Variants in RPRD1A observed in about 807,000 individuals in gnomAD.
RPRD1A encodes regulation of nuclear pre-mRNA domain containing 1A, also known as regulation of nuclear pre-mRNA domain-containing protein 1A.
RPRD1A carries 9 observed loss-of-function variants against 37.8 expected under a neutral mutation model. The ratio of observed to expected loss-of-function variants is 0.24; its 90% CI spans 0.14 to 0.42. RPRD1A has a LOEUF of 0.42. RPRD1A is among the 10% of genes least tolerant of loss of function. The pLI, the probability that RPRD1A is intolerant of heterozygous loss-of-function variation, is 1.00. For synonymous variants in RPRD1A, 138 were observed against 139.7 expected, an observed-to-expected ratio of 0.99 and a Z score of 0.08; for missense variants, 255 against 371.0, an observed-to-expected ratio of 0.69 and a Z score of 2.57.
Position 36,008,577 on chromosome 18 carries a change from G to GTGTGTATATATATATATATATATA in RPRD1A, c.790-15278_790-15277insTATATATATATATATATATACACA. 1.4e-3 allele frequency among the ~76,000 whole-genome samples: 68 copies of GTGTGTATATATATATATATATATA among 47,748 alleles called. 5 individuals carry two copies. The highest frequency in any genetic ancestry group is 6.2e-3 in the East Asian group (8 of 1,284). The allele number at this position is 47,748 out of a possible 152,430, so 31.3% of individuals were successfully genotyped here. ...GGCGACACAGCAAGACCTTGTGTGT[G>GTGTGTATATATATATATATATATA]TATATATATATATCTTTAAAAATCT... On this transcript the variant is annotated intron_variant, in intron 6 of 6. Transcript: ENST00000399022.
In RPRD1A at chr18:36,067,487, C is replaced by G. The variant is rs1399936308; in HGVS notation, c.-83G>C. Reference sequence around the variant, plus strand: ...CGCCGCCCTAGCTGCGGCCTCGCCCCCTCACCCCACCCTTCCCCACGCTCT... The same window carrying G: ...CGCCGCCCTAGCTGCGGCCTCGCCCGCTCACCCCACCCTTCCCCACGCTCT... On this transcript the variant is annotated 5_prime_UTR_variant, in exon 1 of 7. Transcript: ENST00000399022. The G allele has an allele frequency of 7.2e-7, 1 of 1,395,026 alleles. No individual in the cohort carries two copies. Among genetic ancestry groups the G allele is most frequent in the East Asian group, 2.6e-5 (1 of 37,774 alleles). The allele number at this position is 1,395,026 out of a possible 1,614,324, so 86.4% of individuals were successfully genotyped here.
At chr18:36,025,510 A>C in intron 6 of RPRD1A, 1 of 588,194 alleles carries the variant, frequency 1.7e-6, no homozygotes, top group Non-Finnish European at 2.6e-6. Context: ...ACAGTGACAA[A>C]TGACCATCAT....
chr18:36,037,410 G>A (rs559161541), intron 1 of RPRD1A, among the ~76,000 whole-genome samples: 60 of 152,284 alleles, frequency 3.9e-4, no homozygotes, highest in East Asian at 9.6e-4. Context: ...GAATAAGGAC[G>A]TGTTTGCTTC....
At chr18:36,048,344 G>C (rs1430902868) in intron 1 of RPRD1A, among the ~76,000 whole-genome samples, 1 of 152,044 alleles carries the variant, frequency 6.6e-6, no homozygotes, top group African/African-American at 2.4e-5. Flanking sequence ...GGGATTACAG[G>C]CGTGAGCCAC....
At chr18:36,042,253 T>C (rs949639288) in intron 1 of RPRD1A, among the ~76,000 whole-genome samples, 9 of 152,188 alleles carry the variant, frequency 5.9e-5, no homozygotes, top group African/African-American at 2.2e-4. Flanking sequence ...TAGCACTCCA[T>C]ACTATTCCTA....
chr18:36,047,317 ATAGC>A (rs1230745702), intron 1 of RPRD1A, among the ~76,000 whole-genome samples: 2 of 152,182 alleles, frequency 1.3e-5, no homozygotes, highest in East Asian at 3.8e-4. Flanking sequence ...TCTGTGGGGC[ATAGC>A]TAAAGCAGTG....
At chr18:36,035,458 G>C (rs1051190958) in intron 1 of RPRD1A, among the ~76,000 whole-genome samples, 1 of 152,142 alleles carries the variant, frequency 6.6e-6, no homozygotes, top group African/African-American at 2.4e-5. Flanking sequence ...GAAATAATGA[G>C]GAAGAGATAA....
intron 4 of RPRD1A, among the ~76,000 whole-genome samples, chr18:36,030,499 A>G (rs1911699232): frequency 6.6e-6 from 1 of 152,116 alleles, no homozygotes; most frequent in African/African-American, 2.4e-5. Flanking sequence ...AAAAAATCAC[A>G]TAACAAAATA....
chr18:36,012,059 A>T (rs1165936224), intron 6 of RPRD1A, among the ~76,000 whole-genome samples: 1 of 152,168 alleles, frequency 6.6e-6, no homozygotes, highest in Non-Finnish European at 1.5e-5. Context: ...CCACCCCCAT[A>T]CAATGTGACT....
chr18:35,994,290 G>C (rs887428102), intron 6 of RPRD1A, among the ~76,000 whole-genome samples: 3 of 152,186 alleles, frequency 2.0e-5, no homozygotes, highest in African/African-American at 7.2e-5. Flanking sequence ...ATCCTAGAGA[G>C]TGCATAGATG....
At chr18:36,022,389 C>A (rs1164546209) in intron 6 of RPRD1A, among the ~76,000 whole-genome samples, 1 of 152,172 alleles carries the variant, frequency 6.6e-6, no homozygotes, top group South Asian at 2.1e-4. Context: ...GAGCCTGGTA[C>A]TGGAAGAAGA....
chr18:36,016,084 GAAAA>G (rs1231185960), intron 6 of RPRD1A, among the ~76,000 whole-genome samples: 1 of 151,936 alleles, frequency 6.6e-6, no homozygotes, highest in Non-Finnish European at 1.5e-5. Context: ...AAGGCAAAGA[GAAAA>G]AAACTATGTA....
intron 6 of RPRD1A, among the ~76,000 whole-genome samples, chr18:36,019,254 C>G (rs1391169423): frequency 6.6e-6 from 1 of 151,964 alleles, no homozygotes; most frequent in Non-Finnish European, 1.5e-5. Flanking sequence ...ACTACAGGAG[C>G]CCACCACCAC....
At position 36,023,690 on chromosome 18, in the gene RPRD1A, T is replaced by G. The variant is rs569598737; in HGVS notation, c.789+3210A>C. Among the ~76,000 whole-genome samples the G allele has an allele frequency of 1.2e-3, 177 of 152,312 alleles. 2 individuals are homozygous for G. The highest frequency in any genetic ancestry group is 3.9e-3 in the African/African-American group (161 of 41,584). On this transcript the variant is annotated intron_variant, in intron 6 of 6. Coordinates refer to ENST00000399022, the MANE Select transcript of RPRD1A (RefSeq NM_018170.5). ...TTATCACTGTGTTAATAAACTGCCA[T>G]AGCCACATCCTTCAGCAATCACCAC...
At chr18:36,021,817 T>C (rs781508214) in intron 6 of RPRD1A, among the ~76,000 whole-genome samples, 15 of 152,108 alleles carry the variant, frequency 9.9e-5, no homozygotes, top group African/African-American at 2.9e-4. Context: ...TTGGGCAACA[T>C]AGTGAGACCC....
rs1908790965 is a variant in RPRD1A at position 35,992,870 on chromosome 18, CT to C, written c.*280del. On this transcript the variant is annotated 3_prime_UTR_variant, in exon 7 of 7. Transcript: ENST00000399022. Reference sequence around the variant, plus strand: ...ACAAACAAGAGATTTCTCACAAGGCCTTGGATCAAAAAAAAAATTTACAAAA... The same window carrying C: ...ACAAACAAGAGATTTCTCACAAGGCCTGGATCAAAAAAAAAATTTACAAAA... The C allele has an allele frequency of 3.9e-6, 1 of 253,242 alleles. No individual in the cohort carries two copies. Among genetic ancestry groups the C allele is most frequent in the Non-Finnish European group, 7.4e-6 (1 of 135,298 alleles). 15.7% of individuals were successfully genotyped at this position (253,242 alleles called of 1,614,324 possible).
At chr18:36,040,620 A>T (rs1296055518) in intron 1 of RPRD1A, among the ~76,000 whole-genome samples, 2 of 152,202 alleles carry the variant, frequency 1.3e-5, no homozygotes, top group Non-Finnish European at 2.9e-5. Context: ...GTAACACTGA[A>T]CACTAAGAAT....
intron 6 of RPRD1A, among the ~76,000 whole-genome samples, chr18:36,011,661 A>G (rs1910186828): frequency 6.6e-6 from 1 of 152,218 alleles, no homozygotes. Context: ...ATGTTAAAAA[A>G]GAGAGGTTTG....
At chr18:36,021,264 C>T (rs116471256) in intron 6 of RPRD1A, among the ~76,000 whole-genome samples, 2,016 of 152,230 alleles carry the variant, frequency 0.013, 41 homozygotes, top group African/African-American at 0.046. Context: ...TGTGGCAACC[C>T]GGCACCAAAC....
Sources: allele counts gnomAD v4.1 joint callset (sites outside exome capture counted in the v4.1 genomes callset), GRCh38; gene constraint gnomAD v4.1.1; transcripts MANE v1.5; gene names NCBI Gene and HGNC (gene_info 2026-07-23, HGNC 2026-07-21).